The following YTHDC2 variants were observed in gnomAD, a reference collection of about 807,000 sequenced individuals.
The protein encoded by YTHDC2 is 3'-5' RNA helicase YTHDC2.
A neutral mutation model predicts 174.9 loss-of-function variants in YTHDC2; 45 were observed. That is an observed-to-expected ratio of 0.26 (90% CI 0.20 to 0.33). YTHDC2 has a LOEUF of 0.33. Among genes scored for constraint, YTHDC2 ranks in the 10% least tolerant of loss-of-function variants. YTHDC2 has a pLI of 1.00. For missense variants in YTHDC2, 1,650 were observed against 1,723.7 expected, an observed-to-expected ratio of 0.96 and a Z score of 0.76; for synonymous variants, 657 against 574.5, an observed-to-expected ratio of 1.14 and a Z score of -2.05.
At position 113,522,407 on chromosome 5, in the gene YTHDC2, A is replaced by C. The variant is rs540289360; in HGVS notation, c.279-2574A>C. Among the ~76,000 whole-genome samples, 11 of 152,268 alleles carry C rather than the reference A, an allele frequency of 7.2e-5. No homozygotes were observed. In the East Asian group the frequency reaches 2.1e-3, roughly 29 times the overall value. ...CATTTTTCTTTCAAAGGAAGAAGCCATTGAAATGCCAAAATGCATCGGTTA... is the reference window on the plus strand; with the variant it reads ...CATTTTTCTTTCAAAGGAAGAAGCCCTTGAAATGCCAAAATGCATCGGTTA... On this transcript the variant is annotated intron_variant, in intron 2 of 29. Coordinates refer to ENST00000161863, the MANE Select transcript of YTHDC2 (RefSeq NM_022828.5).
At position 113,589,429 on chromosome 5, in the gene YTHDC2, A is replaced by ATATATG. The variant is rs1554103546; in HGVS notation, c.3826-1609_3826-1608insATGTAT. On this transcript the variant is annotated intron_variant, in intron 26 of 29. Transcript: ENST00000161863. ...AAAAAATATATATATATATATATAT[A>ATATATG]TATGTATATATATCTTCTGGCCCGG... 2.0e-3 allele frequency among the ~76,000 whole-genome samples: 279 copies of ATATATG among 138,254 alleles called. 1 individual carries two copies. The highest frequency in any genetic ancestry group is 7.6e-3 in the African/African-American group (271 of 35,648). The allele number at this position is 138,254 out of a possible 152,430, so 90.7% of individuals were successfully genotyped here.
Position 113,594,821 on chromosome 5 carries a change from G to GA in YTHDC2, c.*1352dup, listed in dbSNP as rs1233238754. 1.3e-5 allele frequency: 2 copies of GA among 152,154 alleles called. No individual in the cohort carries two copies. Among genetic ancestry groups the GA allele is most frequent in the Admixed American group, 1.3e-4 (2 of 15,262 alleles). The allele number at this position is 152,154 out of a possible 1,614,324, so 9.4% of individuals were successfully genotyped here. On this transcript the variant is annotated 3_prime_UTR_variant, in exon 30 of 30. Transcript: ENST00000161863. ...TCTGGTTTTATATTTGAGAACACGTGAAAAATCATGGGTCAACATAAAATC... is the reference window on the plus strand; with the variant it reads ...TCTGGTTTTATATTTGAGAACACGTGAAAAAATCATGGGTCAACATAAAATC...
chr5:113,520,740 C>A (rs982444142), intron 2 of YTHDC2, among the ~76,000 whole-genome samples: 1 of 152,058 alleles, frequency 6.6e-6, no homozygotes, highest in Non-Finnish European at 1.5e-5. Context: ...GAGCATGCCT[C>A]CATTTGTGTA....
chr5:113,545,357 T>TTTTTG (rs58837820), intron 10 of YTHDC2, among the ~76,000 whole-genome samples: 24,580 of 145,838 alleles, frequency 0.17, 2,165 homozygotes, highest in African/African-American at 0.21. Context: ...TCATTATTCT[T>TTTTTG]TTTTGTTTTG....
chr5:113,584,240 A>G, intron 25 of YTHDC2, 62 bp from the exon 26 acceptor site: 1 of 1,422,912 alleles, frequency 7.0e-7, no homozygotes, highest in Non-Finnish European at 9.6e-7. Context: ...ACTTATACAT[A>G]ACTGATCTTT....
chr5:113,592,391 A>G (rs763142540), intron 28 of YTHDC2: 9 of 405,486 alleles, frequency 2.2e-5, no homozygotes, highest in Non-Finnish European at 2.2e-5. Context: ...TGACAATAGT[A>G]TTTAACTTCT....
chr5:113,561,505 G>A (rs1157980061), intron 18 of YTHDC2, among the ~76,000 whole-genome samples: 1 of 130,458 alleles, frequency 7.7e-6, no homozygotes, highest in Non-Finnish European at 1.6e-5. Context: ...GTCTTGCTTT[G>A]TTGCCCAGGC....
rs900868769 is a variant in YTHDC2, at chr5:113,579,936, T to C, written c.3354+241T>C. On this transcript the variant is annotated intron_variant, in intron 24 of 29. Transcript: ENST00000161863. ...GCAAGGTAATTGTCTTAGTTTGTTG[T>C]TGCTGCTATAGTAATTTATAAAGAA... 6.1e-6 allele frequency: 6 copies of C among 984,054 alleles called. No homozygotes were observed. The African/African-American group carries it at 1.0e-4, about 17-fold the overall frequency. The allele number at this position is 984,054 out of a possible 1,614,324, so 61.0% of individuals were successfully genotyped here. A position where few individuals can be genotyped will look rare whatever the true frequency, so the allele number is the denominator to read the frequency against.
chr5:113,515,384 T>C (rs1469671629), intron 2 of YTHDC2, 22 bp downstream of exon 2: 1 of 1,517,526 alleles, frequency 6.6e-7, no homozygotes, highest in Admixed American at 1.9e-5. Flanking sequence ...GCTTTTCTTA[T>C]TTTTTTTAAA....
chr5:113,537,230 T>G (rs770460529), intron 7 of YTHDC2, among the ~76,000 whole-genome samples: 125 of 152,212 alleles, frequency 8.2e-4, no homozygotes, highest in Non-Finnish European at 1.7e-3. Context: ...ATTTCTGAAG[T>G]GTATAAGGCT....
intron 29 of YTHDC2, 33 bp from the exon 30 acceptor site, chr5:113,593,449 A>G (rs979211481): frequency 1.5e-6 from 2 of 1,343,310 alleles, no homozygotes; most frequent in African/African-American, 2.9e-5. Flanking sequence ...AACCTTTCAG[A>G]TTATTTATCT....
At chr5:113,569,238 A>G (rs773687344) in intron 23 of YTHDC2, among the ~76,000 whole-genome samples, 2 of 152,278 alleles carry the variant, frequency 1.3e-5, no homozygotes, top group East Asian at 3.9e-4. Flanking sequence ...TACTCTGGAT[A>G]TTAGACCTTT....
In YTHDC2 at chr5:113,579,386, A is replaced by G. The variant is rs75054340; in HGVS notation, c.3245-200A>G. ...TTGTTGCATTGTGATGAGACATTAT[A>G]GTCTTCAAATGGTCCCTTTTTTTTC... On this transcript the variant is annotated intron_variant, in intron 23 of 29. Coordinates refer to ENST00000161863, the MANE Select transcript of YTHDC2 (RefSeq NM_022828.5). Among the ~76,000 whole-genome samples, 702 of 152,202 alleles carry G rather than the reference A, an allele frequency of 4.6e-3. 15 individuals are homozygous for G. Among genetic ancestry groups the G allele is most frequent in the Admixed American group, 0.038 (573 of 15,260 alleles).
intron 2 of YTHDC2, chr5:113,517,569 G>A (rs1043963914): frequency 6.6e-6 from 3 of 456,136 alleles, no homozygotes; most frequent in Non-Finnish European, 1.3e-5. Flanking sequence ...TGAAGAGCCA[G>A]AGAAAGAAGA....
At position 113,532,061 on chromosome 5, in the gene YTHDC2, A is replaced by G. The variant is rs560420716; in HGVS notation, c.676-818A>G. Among the ~76,000 whole-genome samples, 11 of 152,350 alleles carry G rather than the reference A, an allele frequency of 7.2e-5. No individual in the cohort carries two copies. The South Asian group carries it at 1.0e-3, about 14-fold the overall frequency. ...TTTATAATATCAAGCAACAACATCA[A>G]TAACAAACCTAGAAAACTGGAAATT... is the stretch of plus-strand genomic sequence containing the variant. On this transcript the variant is annotated intron_variant, in intron 4 of 29. Coordinates refer to ENST00000161863, the MANE Select transcript of YTHDC2 (RefSeq NM_022828.5).
At chr5:113,521,949 G>A (rs1036858615) in intron 2 of YTHDC2, among the ~76,000 whole-genome samples, 11 of 151,854 alleles carry the variant, frequency 7.2e-5, no homozygotes, top group Non-Finnish European at 2.9e-5. Context: ...TAGTTTTTAG[G>A]TAATCATAAA....
At chr5:113,579,101 CT>C (rs1778239023) in intron 23 of YTHDC2, among the ~76,000 whole-genome samples, 1 of 151,718 alleles carries the variant, frequency 6.6e-6, no homozygotes, top group South Asian at 2.1e-4. Flanking sequence ...ACCATTTTGT[CT>C]TTCTAATTCA....
chr5:113,533,671 A>G (rs1774852082), intron 5 of YTHDC2, among the ~76,000 whole-genome samples: 1 of 152,156 alleles, frequency 6.6e-6, no homozygotes, highest in Admixed American at 6.5e-5. Flanking sequence ...TTTGATGTGA[A>G]GTTTATAGTG....
chr5:113,531,948 A>G (rs1423553223), intron 4 of YTHDC2, among the ~76,000 whole-genome samples: 15 of 152,192 alleles, frequency 9.9e-5, no homozygotes, highest in Non-Finnish European at 2.9e-5. Flanking sequence ...TATTTACTCC[A>G]TGACTCAGCA....
Sources: allele counts gnomAD v4.1 joint callset (sites outside exome capture counted in the v4.1 genomes callset), GRCh38; gene constraint gnomAD v4.1.1; transcripts MANE v1.5; gene names NCBI Gene and HGNC (gene_info 2026-07-23, HGNC 2026-07-21).